Variants in COL28A1 observed in about 807,000 individuals in gnomAD.
COL28A1 encodes the protein collagen alpha-1(XXVIII) chain.
Under a neutral mutation model 150.2 loss-of-function variants are expected in COL28A1, and 161 were observed. The observed-to-expected ratio is 1.07, with a 90% CI of 0.94 to 1.22. The LOEUF (loss-of-function observed/expected upper bound fraction) is 1.22. COL28A1 is among the 50% of genes most tolerant of loss of function. The pLI, the probability that COL28A1 is intolerant of heterozygous loss-of-function variation, is 0.00. For missense variants in COL28A1, 1,617 were observed against 1,388.3 expected, an observed-to-expected ratio of 1.16 and a Z score of -2.62; for synonymous variants, 552 against 469.7, an observed-to-expected ratio of 1.18 and a Z score of -2.26.
chr7:7,361,121 T>G (rs1321492298), intron 33 of COL28A1, among the ~76,000 whole-genome samples: 2 of 94,506 alleles, frequency 2.1e-5, no homozygotes, highest in African/African-American at 7.5e-5. Flanking sequence ...CCTGCTCTAT[T>G]ATCAGACCCC....
chr7:7,508,389 T>C (rs1780940312), intron 9 of COL28A1, among the ~76,000 whole-genome samples: 1 of 152,184 alleles, frequency 6.6e-6, no homozygotes, highest in Non-Finnish European at 1.5e-5. Flanking sequence ...TCTGCCCAAC[T>C]TCTGATTCAC....
In COL28A1 at chr7:7,531,626, A is replaced by G. The variant is rs75456776; in HGVS notation, c.403T>C (p.Tyr135His). The change falls in exon 3 of 35, where the codon TAT (tyrosine) becomes CAT (histidine). Residue 135 changes from tyrosine (Y) to histidine (H), a missense_variant. Physicochemically the swap from Tyr to His is moderately conservative, Grantham distance 83. Coordinates refer to ENST00000399429, the MANE Select transcript of COL28A1 (RefSeq NM_001037763.3). ...NLIGQGTFSY[Y>H]AISNATRLLK... is the part of the protein sequence containing the mutation. ...AGCCTAGTGGCATTGGAAATGGCAT[A>G]ATAAGAGAAGGTACCTTGCCCTATT... The G allele has an allele frequency of 9.0e-3, 14,517 of 1,605,718 alleles. 101 individuals carry two copies. Among genetic ancestry groups the G allele is most frequent in the Non-Finnish European group, 0.011 (12,949 of 1,172,278 alleles).
chr7:7,390,128 T>G (rs1285883500), intron 27 of COL28A1, among the ~76,000 whole-genome samples: 1 of 152,232 alleles, frequency 6.6e-6, no homozygotes. Context: ...GGCTTTGGGT[T>G]TGTCATAAAT....
intron 18 of COL28A1, 106 bp from the exon 19 acceptor site, chr7:7,444,595 C>T (rs1410874063): frequency 5.5e-6 from 6 of 1,088,704 alleles, no homozygotes; most frequent in Admixed American, 2.3e-5. Context: ...TCCGAGAAAT[C>T]TCATTAGCAA....
chr7:7,397,449 G>C (rs559779938), intron 27 of COL28A1, among the ~76,000 whole-genome samples: 134 of 152,238 alleles, frequency 8.8e-4, no homozygotes, highest in African/African-American at 3.1e-3. Flanking sequence ...AGATGTGGAC[G>C]TCTTTGAGAA....
chr7:7,536,116 T>C (rs960155051), upstream of COL28A1, among the ~76,000 whole-genome samples: 1 of 152,196 alleles, frequency 6.6e-6, no homozygotes, highest in African/African-American at 2.4e-5. Flanking sequence ...CCTTCTCTTT[T>C]TATTGCTACA....
At chr7:7,505,924 T>A in intron 11 of COL28A1, 90 bp downstream of exon 11, 1 of 788,784 alleles carries the variant, frequency 1.3e-6, no homozygotes, top group Non-Finnish European at 2.3e-6. Flanking sequence ...CCTCAAAGAA[T>A]CCATTGACTT....
At chr7:7,384,894 T>C (rs938617299) in intron 27 of COL28A1, among the ~76,000 whole-genome samples, 3 of 152,104 alleles carry the variant, frequency 2.0e-5, no homozygotes, top group Non-Finnish European at 4.4e-5. Context: ...ACTCCCAACA[T>C]AGGTGTCATG....
intron 33 of COL28A1, among the ~76,000 whole-genome samples, chr7:7,369,985 AAG>A (rs1781131487): frequency 6.6e-6 from 1 of 152,096 alleles, no homozygotes; most frequent in Non-Finnish European, 1.5e-5. Flanking sequence ...CTTGGTGGAG[AAG>A]AGACTATAGC....
At chr7:7,536,556 A>G (rs927025450), upstream of COL28A1, among the ~76,000 whole-genome samples, 1 of 152,084 alleles carries the variant, frequency 6.6e-6, no homozygotes, top group African/African-American at 2.4e-5. Context: ...CCTATTTTCT[A>G]CCTTGTGGTT....
Position 7,477,155 on chromosome 7 carries a change from G to T in COL28A1, c.1190C>A (p.Pro397Gln), listed in dbSNP as rs1325967953. 5 of 1,336,070 alleles carry T rather than the reference G, an allele frequency of 3.7e-6. No individual in the cohort carries two copies. In the South Asian group the frequency reaches 5.8e-5, roughly 16 times the overall value. 82.8% of individuals were successfully genotyped at this position (1,336,070 alleles called of 1,614,324 possible). Residue 397 changes from proline (P) to glutamine (Q), a missense_variant, in exon 14 of 35, where the codon CCA becomes CAA. Coordinates refer to ENST00000399429, the MANE Select transcript of COL28A1 (RefSeq NM_001037763.3). ...QPGPRGPEGVPGERGLPGEGF... is the reference protein window; with the variant it reads ...QPGPRGPEGVQGERGLPGEGF... The stretch of plus-strand genomic sequence containing the variant: ...TTCTCCGGGTAAGCCCCTCTCTCCT[G>T]GTACTCCCTCAGGACCACGGGGACC...
At chr7:7,376,017 T>G (rs532051519) in intron 30 of COL28A1, among the ~76,000 whole-genome samples, 1 of 152,326 alleles carries the variant, frequency 6.6e-6, no homozygotes, top group Non-Finnish European at 1.5e-5. Context: ...TCTCTTCAGC[T>G]TCTTAACACC....
chr7:7,383,266 GTGTGTGTGTGTGTGTGTGTGTGTT>G (rs1781974360), intron 27 of COL28A1, among the ~76,000 whole-genome samples: 1 of 137,854 alleles, frequency 7.3e-6, no homozygotes, highest in Non-Finnish European at 1.5e-5. Context: ...GTGTGTGTGT[GTGTGTGTGTGTGTGTGTGTGTGTT>G]TTTTTTGAGA....
chr7:7,428,339 A>C (rs28505765), intron 25 of COL28A1, among the ~76,000 whole-genome samples: 1 of 151,976 alleles, frequency 6.6e-6, no homozygotes, highest in African/African-American at 2.4e-5. Flanking sequence ...CAGCTCCCTG[A>C]GAGGGCCTGA....
intron 31 of COL28A1, among the ~76,000 whole-genome samples, chr7:7,374,038 A>AAAAAAAAAAAAAAAAAATAT: frequency 2.6e-5 from 3 of 113,656 alleles, no homozygotes; most frequent in African/African-American, 1.1e-4. Flanking sequence ...AAAAAAAAAA[A>AAAAAAAAAAAAAAAAAATAT]ATATATATAT....
In COL28A1 at chr7:7,389,701, G is replaced by A. The variant is rs1197919597; in HGVS notation, c.2137-8089C>T. Among the ~76,000 whole-genome samples, 5 of 152,166 alleles carry A rather than the reference G, an allele frequency of 3.3e-5. No homozygotes were observed. In the South Asian group the frequency reaches 6.2e-4, roughly 19 times the overall value. On this transcript the variant is annotated intron_variant, in intron 27 of 34. Transcript: ENST00000399429. ...GCAGTGGTTTGTAGTTCTCCTTGAA[G>A]AGGTCCTTTACATCCCTTGTAAGTT...
At chr7:7,529,984 C>T (rs1350976761) in intron 3 of COL28A1, among the ~76,000 whole-genome samples, 2 of 95,148 alleles carry the variant, frequency 2.1e-5, no homozygotes, top group African/African-American at 8.1e-5. Flanking sequence ...CATAACTCTC[C>T]CATTTACCCC....
intron 33 of COL28A1, among the ~76,000 whole-genome samples, chr7:7,362,725 C>T (rs1780734709): frequency 6.6e-6 from 1 of 152,154 alleles, no homozygotes; most frequent in African/African-American, 2.4e-5. Context: ...GGAGACAAAA[C>T]TGTGGATTAC....
chr7:7,498,032 T>C lies in COL28A1; in HGVS notation c.1027-7386A>G, dbSNP rs1426009629. 2.0e-5 allele frequency among the ~76,000 whole-genome samples: 3 copies of C among 152,292 alleles called. No homozygotes were observed. The East Asian group carries it at 5.8e-4, about 29-fold the overall frequency. ...AAAAAGACTCCATAATAACAATGAA[T>C]TGGTGAAGAATATAATAAAAATTAT... On this transcript the variant is annotated intron_variant, in intron 11 of 34. Transcript: ENST00000399429.
Sources: allele counts gnomAD v4.1 joint callset (sites outside exome capture counted in the v4.1 genomes callset), GRCh38; gene constraint gnomAD v4.1.1; transcripts MANE v1.5; gene names NCBI Gene and HGNC (gene_info 2026-07-23, HGNC 2026-07-21).